The following PCDHGA6 variants were observed in gnomAD, a reference collection of about 807,000 sequenced individuals.
PCDHGA6 encodes the protein protocadherin gamma-A6.
PCDHGA6 carries 41 observed loss-of-function variants against 60.6 expected under a neutral mutation model. That is an observed-to-expected ratio of 0.68 (90% CI 0.53 to 0.88). The LOEUF (loss-of-function observed/expected upper bound fraction) is 0.88, where lower values mean the gene tolerates loss of function less well. Ranked by LOEUF, PCDHGA6 falls within the 40% of genes least tolerant of loss-of-function variation. The pLI is 0.00. For missense variants in PCDHGA6, 1,312 were observed against 1,203.0 expected (o/e 1.09, Z -1.34); for synonymous variants, 594 against 524.4 (o/e 1.13, Z -1.81).
chr5:141,435,882 C>G (rs780080571), intron 1 of PCDHGA6, among the ~76,000 whole-genome samples: 1 of 152,060 alleles, frequency 6.6e-6, no homozygotes, highest in African/African-American at 2.4e-5. Context: ...AGATTGGAAA[C>G]CCCTTAGAGA....
At chr5:141,453,492 G>A (rs1046043468) in intron 1 of PCDHGA6, among the ~76,000 whole-genome samples, 7 of 152,000 alleles carry the variant, frequency 4.6e-5, no homozygotes, top group African/African-American at 7.3e-5. Context: ...AAAAAAAGGT[G>A]TACTCAGAAA....
At chr5:141,449,148 T>C (rs570694341) in intron 1 of PCDHGA6, among the ~76,000 whole-genome samples, 20 of 152,268 alleles carry the variant, frequency 1.3e-4, no homozygotes, top group African/African-American at 4.8e-4. Flanking sequence ...AATTGCTGGG[T>C]CAAAGAGGAA....
At chr5:141,498,670 G>A (rs1266576450) in intron 2 of PCDHGA6, among the ~76,000 whole-genome samples, 1 of 152,066 alleles carries the variant, frequency 6.6e-6, no homozygotes, top group Non-Finnish European at 1.5e-5. Flanking sequence ...GGTGGCTCAC[G>A]CCTGTAATCC....
At chr5:141,411,783 G>C (rs1191623081) in intron 1 of PCDHGA6, 1 of 152,338 alleles carries the variant, frequency 6.6e-6, no homozygotes, top group Non-Finnish European at 1.5e-5. Context: ...TCTGGTGGCT[G>C]TGGTGGGAGA....
At chr5:141,426,850 C>T in intron 1 of PCDHGA6, 1 of 456,734 alleles carries the variant, frequency 2.2e-6, no homozygotes. Context: ...GGCAAGAACG[C>T]TCCAGAATTA....
intron 1 of PCDHGA6, chr5:141,378,978 T>C (rs999342982): frequency 3.3e-5 from 5 of 152,244 alleles, no homozygotes; most frequent in African/African-American, 1.2e-4. Flanking sequence ...TGATGACTTG[T>C]TGAACTACAT....
In PCDHGA6 at chr5:141,491,803, C is replaced by T. The variant is rs2099730932; in HGVS notation, c.2425-3004C>T. ...CTTGCATCCACTCCTCTCCGGCCGG[C>T]TTGGTCGCTGGCTGCGCTCCACCCG... On this transcript the variant is annotated intron_variant, in intron 1 of 3. Transcript: ENST00000517434. This position sits in a 1 kb window ranked among gnomAD's most constrained non-coding sequence, Gnocchi z 6.9. 1 of 1,497,820 alleles carries T rather than the reference C, an allele frequency of 6.7e-7. No individual in the cohort carries two copies. Among genetic ancestry groups the T allele is most frequent in the Non-Finnish European group, 8.9e-7 (1 of 1,124,124 alleles). 92.8% of individuals were successfully genotyped at this position (1,497,820 alleles called of 1,614,324 possible).
chr5:141,395,254 G>T, intron 1 of PCDHGA6: 1 of 1,556,766 alleles, frequency 6.4e-7, no homozygotes, highest in Non-Finnish European at 8.7e-7. Context: ...TTAGTTCTTT[G>T]CTTGCTTTTA....
chr5:141,501,345 A>G (rs2099808580), intron 2 of PCDHGA6, among the ~76,000 whole-genome samples: 2 of 150,582 alleles, frequency 1.3e-5, no homozygotes, highest in East Asian at 1.9e-4. Context: ...CCCAAACTCA[A>G]TAGGGCAAGA....
chr5:141,384,598 C>CA (rs756705007), intron 1 of PCDHGA6: 4 of 1,614,256 alleles, frequency 2.5e-6, no homozygotes, highest in Non-Finnish European at 2.5e-6. Flanking sequence ...GTACCCGGCC[C>CA]TCCCCACAGA....
intron 1 of PCDHGA6, chr5:141,395,088 C>T (rs778953049): frequency 4.3e-6 from 7 of 1,614,194 alleles, no homozygotes; most frequent in African/African-American, 1.3e-5. Flanking sequence ...GGAAGTCTCC[C>T]TCACCGCCGA....
rs769907625 is a variant in PCDHGA6 at position 141,374,519 on chromosome 5, G to C, written c.436G>C (p.Ala146Pro). 94 of 1,612,334 alleles carry C rather than the reference G, an allele frequency of 5.8e-5. No homozygotes were observed. Among genetic ancestry groups the C allele is most frequent in the Non-Finnish European group, 7.8e-5 (92 of 1,178,542 alleles). Residue 146 changes from alanine (A) to proline (P), a missense_variant, in exon 1 of 4, where the codon GCA (alanine) becomes CCA (proline). Physicochemically the swap from Ala to Pro is conservative, Grantham distance 27. Transcript: ENST00000517434. ...EELEVKILEN[A>P]APSSRFPLME... ...ATTGGAAGTGAAAATTCTCGAAAACGCAGCTCCATCCTCTCGTTTTCCACT... is the reference window on the plus strand; with the variant it reads ...ATTGGAAGTGAAAATTCTCGAAAACCCAGCTCCATCCTCTCGTTTTCCACT...
In PCDHGA6 at chr5:141,511,307, G is replaced by A. The variant is rs919320754; in HGVS notation, c.*134G>A. On this transcript the variant is annotated 3_prime_UTR_variant, in exon 4 of 4. Coordinates refer to ENST00000517434, the MANE Select transcript of PCDHGA6 (RefSeq NM_018919.3). ...TAGGGGCCAAGGCCATGCTCCCCTT[G>A]GGAAACAGAAACAAGTGCCCAGTCA... 8 of 1,488,416 alleles carry A rather than the reference G, an allele frequency of 5.4e-6. No individual in the cohort carries two copies. Among genetic ancestry groups the A allele is most frequent in the Non-Finnish European group, 5.4e-6 (6 of 1,115,202 alleles). The allele number at this position is 1,488,416 out of a possible 1,614,324, so 92.2% of individuals were successfully genotyped here. A position where few individuals can be genotyped will look rare whatever the true frequency, so the allele number is the denominator to read the frequency against.
In PCDHGA6 at chr5:141,485,216, G is replaced by C. The variant is rs757059807; in HGVS notation, c.2425-9591G>C. On this transcript the variant is annotated intron_variant, in intron 1 of 3. Transcript: ENST00000517434. The surrounding 1 kb of genome is among the most constrained non-coding windows in gnomAD (Gnocchi z 5.7). ...AAGCTGGACAGAAATCTGGCGGTGG[G>C]CTACCCTTTTGTTCCTCTTTTACCA... 2.5e-6 allele frequency: 4 copies of C among 1,614,144 alleles called. No homozygotes were observed. In the South Asian group the frequency reaches 4.4e-5, roughly 18 times the overall value.
chr5:141,476,666 G>C lies in PCDHGA6; in HGVS notation c.2425-18141G>C, dbSNP rs2099395856. On this transcript the variant is annotated intron_variant, in intron 1 of 3. Coordinates refer to ENST00000517434, the MANE Select transcript of PCDHGA6 (RefSeq NM_018919.3). This position sits in a 1 kb window ranked among gnomAD's most constrained non-coding sequence, Gnocchi z 7.6. The stretch of plus-strand genomic sequence containing the variant: ...CCGAAATGAATACTTTGCGCTTCGC[G>C]TGCAGACGCGGGAGGACAGCACCAA... 6.2e-7 allele frequency: 1 copy of C among 1,614,246 alleles called. No individual in the cohort carries two copies. The highest frequency in any genetic ancestry group is 8.5e-7 in the Non-Finnish European group (1 of 1,180,044).
chr5:141,399,112 G>A, intron 1 of PCDHGA6: 1 of 1,613,794 alleles, frequency 6.2e-7, no homozygotes, highest in African/African-American at 1.3e-5. Context: ...ACAATGTACA[G>A]TTGAAATTAA....
rs1337417637 is a variant in PCDHGA6, at chr5:141,374,689, G to A, written c.606G>A (p.Arg202=). 1.2e-6 allele frequency: 2 copies of A among 1,609,578 alleles called. No individual in the cohort carries two copies. The highest frequency in any genetic ancestry group is 2.2e-5 in the East Asian group (1 of 44,728). ...PELVLEGTLD[R]EGEAVYRLVL... ...TGGTGCTGGAGGGCACACTGGACCG[G>A]GAAGGAGAAGCCGTTTACCGCCTGG... The change falls in exon 1 of 4, where the codon CGG becomes CGA. Residue 202 remains arginine (R), a synonymous_variant. Coordinates refer to ENST00000517434, the MANE Select transcript of PCDHGA6 (RefSeq NM_018919.3).
chr5:141,473,245 C>T (rs2099317733), intron 1 of PCDHGA6, among the ~76,000 whole-genome samples: 1 of 152,134 alleles, frequency 6.6e-6, no homozygotes, highest in African/African-American at 2.4e-5. Context: ...CAAGTGAATA[C>T]ATATATAGTC....
intron 1 of PCDHGA6, among the ~76,000 whole-genome samples, chr5:141,458,921 C>CG (rs2098956905): frequency 6.6e-6 from 1 of 151,960 alleles, no homozygotes; most frequent in African/African-American, 2.4e-5. Flanking sequence ...TTTGTGGAGA[C>CG]GGGGTCTCAC....
Sources: allele counts gnomAD v4.1 joint callset (sites outside exome capture counted in the v4.1 genomes callset), GRCh38; gene constraint gnomAD v4.1.1; non-coding constraint Gnocchi (gnomAD v3.1); transcripts MANE v1.5; gene names NCBI Gene and HGNC (gene_info 2026-07-23, HGNC 2026-07-21).